RIOK3: variants seen among roughly 807,000 people sequenced by gnomAD.
The protein encoded by RIOK3 is serine/threonine-protein kinase RIO3.
Under a neutral mutation model 63.5 loss-of-function variants are expected in RIOK3, and 40 were observed. The observed-to-expected ratio is 0.63, with a 90% CI of 0.49 to 0.82. The LOEUF (loss-of-function observed/expected upper bound fraction) is 0.82. RIOK3 is among the 40% of genes least tolerant of loss of function. RIOK3 has a pLI of 0.00. For missense variants in RIOK3, 557 were observed against 637.0 expected (o/e 0.87, Z 1.35); for synonymous variants, 193 against 205.0 (o/e 0.94, Z 0.50).
chr18:23,468,293 CTT>C (rs1245472469), intron 7 of RIOK3, among the ~76,000 whole-genome samples: 116 of 46,468 alleles, frequency 2.5e-3, no homozygotes, highest in African/African-American at 0.011. Flanking sequence ...CAATATACTC[CTT>C]TTTTTTTTTT....
Position 23,477,097 on chromosome 18 carries a change from C to T in RIOK3, c.1254+11C>T. 1 of 1,613,290 alleles carries T rather than the reference C, an allele frequency of 6.2e-7. No individual in the cohort carries two copies. The highest frequency in any genetic ancestry group is 8.5e-7 in the Non-Finnish European group (1 of 1,179,326). ...TGGCATGCTGGAAAGGTGAGGAGCA[C>T]ATTTTGTTAACATTCAGATTTAATT... On this transcript the variant is annotated intron_variant, in intron 10 of 12. Coordinates refer to ENST00000339486, the MANE Select transcript of RIOK3 (RefSeq NM_003831.5).
chr18:23,481,479 T>C lies in RIOK3; in HGVS notation c.*200T>C, dbSNP rs2057534340. 2 of 474,672 alleles carry C rather than the reference T, an allele frequency of 4.2e-6. No homozygotes were observed. The highest frequency in any genetic ancestry group is 4.0e-5 in the African/African-American group (2 of 49,424). The allele number at this position is 474,672 out of a possible 1,614,324, so 29.4% of individuals were successfully genotyped here. A position where few individuals can be genotyped will look rare whatever the true frequency, so the allele number is the denominator to read the frequency against. On this transcript the variant is annotated 3_prime_UTR_variant, in exon 13 of 13. Coordinates refer to ENST00000339486, the MANE Select transcript of RIOK3 (RefSeq NM_003831.5). ...GAGAATAAAATGTCACTACCTCTCA[T>C]CTTATGAACAGGATAATATAATTCT...
At chr18:23,472,222 G>A (rs2057461007) in intron 7 of RIOK3, among the ~76,000 whole-genome samples, 1 of 146,772 alleles carries the variant, frequency 6.8e-6, no homozygotes, top group Non-Finnish European at 1.5e-5. Flanking sequence ...GACAAAGTGA[G>A]ACTCTGTCTC....
chr18:23,459,280 A>G (rs2057359499), intron 1 of RIOK3, among the ~76,000 whole-genome samples: 1 of 152,218 alleles, frequency 6.6e-6, no homozygotes, highest in Non-Finnish European at 1.5e-5. Context: ...GATGGGGAAA[A>G]GGACATTAGA....
At chr18:23,461,832 G>A (rs536435367) in intron 1 of RIOK3, among the ~76,000 whole-genome samples, 5 of 152,070 alleles carry the variant, frequency 3.3e-5, no homozygotes, top group African/African-American at 4.8e-5. Context: ...GCTCACACCT[G>A]TAATCCCAGC....
chr18:23,464,612 C>T lies in RIOK3; in HGVS notation c.527C>T (p.Thr176Ile), dbSNP rs914297459. The change falls in exon 5 of 13, where the codon ACA (threonine) becomes ATA (isoleucine). Residue 176 changes from threonine (T) to isoleucine (I), a missense_variant. Physicochemically the swap from Thr to Ile is moderately conservative, Grantham distance 89. This residue lies in a region of RIOK3 where 243 missense variants were observed against 275.4 expected (regional missense o/e 0.88). Transcript: ENST00000339486. ...GAAGTAGTATGTGGGAGAAAGAACACAGCAAGAATGGAAAATGTAAGTTAC... is the reference window on the plus strand; with the variant it reads ...GAAGTAGTATGTGGGAGAAAGAACATAGCAAGAATGGAAAATGTAAGTTAC... ...HDEVVCGRKNTARMENFAPEF... is the reference protein window; with the variant it reads ...HDEVVCGRKNIARMENFAPEF... The T allele has an allele frequency of 5.7e-6, 9 of 1,580,202 alleles. No individual in the cohort carries two copies. The highest frequency in any genetic ancestry group is 6.9e-6 in the Non-Finnish European group (8 of 1,164,816).
chr18:23,457,409 G>T (rs1035627009), intron 1 of RIOK3, among the ~76,000 whole-genome samples: 1 of 152,162 alleles, frequency 6.6e-6, no homozygotes, highest in African/African-American at 2.4e-5. Context: ...TTAAGGAGAC[G>T]TGGCAACTAA....
In RIOK3 at chr18:23,473,561, C is replaced by T. The variant is rs1457057203; in HGVS notation, c.948C>T (p.Phe316=). ...ATGATTTCAGGTTTAAAGATCGCTT[C>T]AGTAAACTAAATCCACGTAAGATCA... The part of the protein sequence containing the change: ...IKDDFRFKDR[F]SKLNPRKIIR... Residue 316 remains phenylalanine, a synonymous_variant, in exon 8 of 13, where the codon TTC becomes TTT. Transcript: ENST00000339486. The T allele has an allele frequency of 7.4e-6, 12 of 1,613,462 alleles. No individual in the cohort carries two copies. The highest frequency in any genetic ancestry group is 1.0e-5 in the Non-Finnish European group (12 of 1,179,708).
intron 1 of RIOK3, among the ~76,000 whole-genome samples, chr18:23,458,347 T>TG (rs1461018705): frequency 6.6e-6 from 1 of 151,622 alleles, no homozygotes; most frequent in Non-Finnish European, 1.5e-5. Context: ...GCCAGGCAGG[T>TG]GGGGGAGAAT....
intron 7 of RIOK3, among the ~76,000 whole-genome samples, chr18:23,472,942 A>T (rs1473461162): frequency 6.6e-6 from 1 of 152,238 alleles, no homozygotes; most frequent in Non-Finnish European, 1.5e-5. Context: ...TCCAATGAAG[A>T]GGGACCTTTC....
chr18:23,477,954 C>T (rs1312153431), intron 11 of RIOK3, among the ~76,000 whole-genome samples: 2 of 151,676 alleles, frequency 1.3e-5, no homozygotes, highest in African/African-American at 4.9e-5. Context: ...TGCCTGTAAT[C>T]CCAGCTAGTT....
intron 8 of RIOK3, 52 bp from the exon 9 acceptor site, chr18:23,474,896 A>G (rs2057478968): frequency 1.5e-6 from 2 of 1,363,348 alleles, no homozygotes. Flanking sequence ...AATAAATGAC[A>G]TATTTTCTCT....
intron 1 of RIOK3, among the ~76,000 whole-genome samples, chr18:23,454,548 A>G (rs543729319): frequency 6.6e-6 from 1 of 152,384 alleles, no homozygotes; most frequent in Non-Finnish European, 1.5e-5. Context: ...GGATGAAATC[A>G]GTAGACAGAC....
At chr18:23,477,297 T>C (rs1373683252) in intron 11 of RIOK3, 29 bp downstream of exon 11, 2 of 1,532,378 alleles carry the variant, frequency 1.3e-6, no homozygotes, top group Admixed American at 3.3e-5. Context: ...ATGCCTTTTT[T>C]TGTTGGATGT....
In RIOK3 at chr18:23,475,065, C is replaced by T. The variant is rs755989428; in HGVS notation, c.1131C>T (p.Leu377=). ...CCCCTAAATTAAAAGAAGTAAAGCT[C>T]AATAGTGAAGAAATGAAAGAAGCCT... is the stretch of plus-strand genomic sequence containing the variant. The part of the protein sequence containing the change: ...VPAPKLKEVK[L]NSEEMKEAYY... Residue 377 remains leucine (L), a synonymous_variant, in exon 9 of 13, where the codon CTC becomes CTT. Coordinates refer to ENST00000339486, the MANE Select transcript of RIOK3 (RefSeq NM_003831.5). 1.2e-6 allele frequency: 2 copies of T among 1,613,302 alleles called. No homozygotes were observed. The highest frequency in any genetic ancestry group is 4.5e-5 in the East Asian group (2 of 44,848).
rs567879553 is a variant in RIOK3 at position 23,454,956 on chromosome 18, A to G, written c.63+1454A>G. Among the ~76,000 whole-genome samples the G allele has an allele frequency of 5.3e-5, 8 of 152,358 alleles. No individual in the cohort carries two copies. In the East Asian group the frequency reaches 1.5e-3, roughly 29 times the overall value. The stretch of plus-strand genomic sequence containing the variant: ...TGAAGATTTGAGGAGGGTTTTGAAA[A>G]ATGGAAGGATTCTCAAAACTTTTTA... On this transcript the variant is annotated intron_variant, in intron 1 of 12. Transcript: ENST00000339486.
At chr18:23,458,035 A>C (rs2057351633) in intron 1 of RIOK3, among the ~76,000 whole-genome samples, 1 of 150,038 alleles carries the variant, frequency 6.7e-6, no homozygotes, top group African/African-American at 2.5e-5. Flanking sequence ...CTGAGACTAC[A>C]AGTGTGCATC....
Position 23,473,440 on chromosome 18 carries a change from A to G in RIOK3, c.827A>G (p.Glu276Gly), listed in dbSNP as rs1200931755. 2 of 1,606,440 alleles carry G rather than the reference A, an allele frequency of 1.2e-6. No individual in the cohort carries two copies. Among genetic ancestry groups the G allele is most frequent in the Non-Finnish European group, 8.5e-7 (1 of 1,176,136 alleles). Residue 276 changes from glutamate to glycine, a missense_variant, in exon 8 of 13, where the codon GAA becomes GGA. Physicochemically the swap from Glu to Gly is moderately conservative, Grantham distance 98. This residue lies in a region of RIOK3 where 309 missense variants were observed against 338.7 expected (regional missense o/e 0.91). Transcript: ENST00000339486. The part of the protein sequence containing the change: ...FHAYGGSMED[E>G]KEDSKVIPTE... ...TTTCTTCCACTTAGCATGGAGGATG[A>G]AAAGGAAGATAGTAAAGTTATACCT...
Position 23,470,636 on chromosome 18 carries a change from G to T in RIOK3, c.816-2793G>T, listed in dbSNP as rs149481785. Among the ~76,000 whole-genome samples the T allele has an allele frequency of 9.6e-4, 146 of 152,286 alleles. 3 individuals are homozygous for T. The East Asian group carries it at 0.026, about 27-fold the overall frequency. On this transcript the variant is annotated intron_variant, in intron 7 of 12. Transcript: ENST00000339486. Reference sequence around the variant, plus strand: ...ATTCTTTAAGAAAAAGGCTAAGGGTGGGAGAGTTGAAGTTTAGGCACTGAG... The same window carrying T: ...ATTCTTTAAGAAAAAGGCTAAGGGTTGGAGAGTTGAAGTTTAGGCACTGAG...
Sources: gnomAD v4.1 joint callset for allele counts (sites outside exome capture counted in the v4.1 genomes callset) on GRCh38, gnomAD v4.1.1 for gene constraint, gnomAD v4.1.1 regional missense constraint, MANE v1.5 for transcripts, NCBI Gene and HGNC (gene_info 2026-07-23, HGNC 2026-07-21) for gene names.